Variants in HS2ST1 observed in about 807,000 individuals in gnomAD.
The protein encoded by HS2ST1 is 2-O-sulfotransferase.
Under a neutral mutation model 42.9 loss-of-function variants are expected in HS2ST1, and 18 were observed. The ratio of observed to expected loss-of-function variants is 0.42; its 90% CI spans 0.29 to 0.62. HS2ST1 has a LOEUF of 0.62. Among genes scored for constraint, HS2ST1 ranks in the 20% least tolerant of loss-of-function variants. The pLI, the probability that HS2ST1 is intolerant of heterozygous loss-of-function variation, is 0.21. For missense variants in HS2ST1, 334 were observed against 433.8 expected (o/e 0.77, Z 2.04); for synonymous variants, 146 against 152.9 (o/e 0.95, Z 0.33).
intron 1 of HS2ST1, among the ~76,000 whole-genome samples, chr1:87,043,674 T>C (rs1392093290): frequency 6.6e-6 from 1 of 152,084 alleles, no homozygotes; most frequent in Non-Finnish European, 1.5e-5. Flanking sequence ...AACATCTTTC[T>C]TGTTGGAAAA....
intron 1 of HS2ST1, among the ~76,000 whole-genome samples, chr1:86,923,828 A>G (rs1441260355): frequency 2.6e-5 from 4 of 152,172 alleles, no homozygotes; most frequent in Non-Finnish European, 4.4e-5. Context: ...GGAATTCAAG[A>G]TGGGATTTGT....
At chr1:87,093,975 T>C (rs1652006162) in intron 4 of HS2ST1, among the ~76,000 whole-genome samples, 1 of 152,206 alleles carries the variant, frequency 6.6e-6, no homozygotes, top group East Asian at 1.9e-4. Flanking sequence ...TAAATAATGC[T>C]ATCTCTCAGC....
chr1:87,030,849 A>G (rs1650217794), intron 1 of HS2ST1, among the ~76,000 whole-genome samples: 1 of 152,198 alleles, frequency 6.6e-6, no homozygotes, highest in Non-Finnish European at 1.5e-5. Context: ...ATGGGGTATT[A>G]TGCAAAGCAA....
chr1:87,071,626 G>C (rs959633141), intron 1 of HS2ST1, among the ~76,000 whole-genome samples: 9 of 151,834 alleles, frequency 5.9e-5, no homozygotes, highest in Non-Finnish European at 8.8e-5. Context: ...CTACTCAGTA[G>C]GCTGAGGCAG....
chr1:87,076,597 A>G (rs919378949), intron 2 of HS2ST1, among the ~76,000 whole-genome samples: 5 of 152,306 alleles, frequency 3.3e-5, no homozygotes, highest in African/African-American at 4.8e-5. Flanking sequence ...AAGCAATTAG[A>G]ATAAGGTGTG....
intron 1 of HS2ST1, among the ~76,000 whole-genome samples, chr1:86,939,790 G>A (rs1660726196): frequency 6.6e-6 from 1 of 152,136 alleles, no homozygotes; most frequent in Admixed American, 6.5e-5. Flanking sequence ...TGATATTCTT[G>A]AGTTTGCCAT....
chr1:87,014,785 A>C (rs1254353427), intron 1 of HS2ST1, among the ~76,000 whole-genome samples: 1 of 152,144 alleles, frequency 6.6e-6, no homozygotes, highest in African/African-American at 2.4e-5. Context: ...CCAACCTTTG[A>C]CTCGTGTCAC....
chr1:87,001,715 G>A (rs1372136045), intron 1 of HS2ST1, among the ~76,000 whole-genome samples: 1 of 152,188 alleles, frequency 6.6e-6, no homozygotes, highest in Non-Finnish European at 1.5e-5. Context: ...TCGGGTTCAA[G>A]TGATTCTCCT....
chr1:86,930,341 A>G (rs1442352596), intron 1 of HS2ST1, among the ~76,000 whole-genome samples: 1 of 151,922 alleles, frequency 6.6e-6, no homozygotes, highest in Non-Finnish European at 1.5e-5. Context: ...TTTTAGCTAT[A>G]CCTTTAAAAC....
chr1:87,005,107 T>G (rs959133155), intron 1 of HS2ST1, among the ~76,000 whole-genome samples: 3 of 152,226 alleles, frequency 2.0e-5, no homozygotes, highest in African/African-American at 7.2e-5. Flanking sequence ...GTAAGATTTT[T>G]TTTTCTTTGT....
At chr1:86,959,326 A>G (rs566539260) in intron 1 of HS2ST1, among the ~76,000 whole-genome samples, 29 of 152,376 alleles carry the variant, frequency 1.9e-4, no homozygotes, top group African/African-American at 6.7e-4. Context: ...GTATATGTAG[A>G]AAGTCCCAAC....
chr1:87,108,996 T>C lies in HS2ST1; in HGVS notation c.*4300T>C, dbSNP rs1652400384. On this transcript the variant is annotated 3_prime_UTR_variant, in exon 7 of 7. Transcript: ENST00000370550. ...CACTACTTTCTCTCTTCTCTCTCCC[T>C]GCCCTCCCCCACTCCATTCAGTTGA... The C allele has an allele frequency of 6.6e-6, 1 of 152,486 alleles. No individual in the cohort carries two copies. Among genetic ancestry groups the C allele is most frequent in the Non-Finnish European group, 1.5e-5 (1 of 67,950 alleles). 9.4% of individuals were successfully genotyped at this position (152,486 alleles called of 1,614,324 possible).
chr1:87,071,413 A>G (rs1651400621), intron 1 of HS2ST1, among the ~76,000 whole-genome samples: 1 of 152,224 alleles, frequency 6.6e-6, no homozygotes. Flanking sequence ...TGAGACATGT[A>G]GTATAAGATA....
chr1:86,969,192 A>G (rs761361110), intron 1 of HS2ST1, among the ~76,000 whole-genome samples: 10 of 152,218 alleles, frequency 6.6e-5, no homozygotes, highest in Non-Finnish European at 1.0e-4. Flanking sequence ...CAGGCTTAAA[A>G]TTGCCTTTCA....
chr1:86,954,052 A>ATTT (rs1273649474), intron 1 of HS2ST1, among the ~76,000 whole-genome samples: 1 of 148,150 alleles, frequency 6.7e-6, no homozygotes, highest in African/African-American at 2.5e-5. Context: ...AAAAAAAAAA[A>ATTT]AAAAAAAAAA....
chr1:86,928,546 C>G (rs539960477), intron 1 of HS2ST1, among the ~76,000 whole-genome samples: 1 of 151,904 alleles, frequency 6.6e-6, no homozygotes, highest in South Asian at 2.1e-4. Context: ...TTCAACACAC[C>G]CACCTCTTAT....
chr1:86,935,890 G>T (rs995574014), intron 1 of HS2ST1, among the ~76,000 whole-genome samples: 1 of 152,092 alleles, frequency 6.6e-6, no homozygotes, highest in Admixed American at 6.5e-5. Context: ...CAGAATTCAT[G>T]TGTATCCTTC....
chr1:86,931,527 C>G (rs896478516), intron 1 of HS2ST1, among the ~76,000 whole-genome samples: 2 of 151,960 alleles, frequency 1.3e-5, no homozygotes, highest in African/African-American at 4.8e-5. Context: ...AGATTTCATA[C>G]TTGCATTTTG....
chr1:86,993,325 T>G (rs1469039795), intron 1 of HS2ST1, among the ~76,000 whole-genome samples: 5 of 152,186 alleles, frequency 3.3e-5, no homozygotes, highest in African/African-American at 1.2e-4. Flanking sequence ...TGATCAAAAT[T>G]GTTTCCCTTT....
Sources: allele counts gnomAD v4.1 joint callset (sites outside exome capture counted in the v4.1 genomes callset), GRCh38; gene constraint gnomAD v4.1.1; transcripts MANE v1.5; gene names NCBI Gene and HGNC (gene_info 2026-07-23, HGNC 2026-07-21).